The following DPP6 variants were observed in gnomAD, a reference collection of about 807,000 sequenced individuals.
DPP6 encodes dipeptidyl peptidase like 6.
DPP6 carries 69 observed loss-of-function variants against 122.6 expected under a neutral mutation model. The observed-to-expected ratio is 0.56, with a 90% CI of 0.46 to 0.69. The LOEUF (loss-of-function observed/expected upper bound fraction) is 0.69, where lower values mean the gene tolerates loss of function less well. Among genes scored for constraint, DPP6 ranks in the 30% least tolerant of loss-of-function variants. The pLI, the probability that DPP6 is intolerant of heterozygous loss-of-function variation, is 0.00. For missense variants in DPP6, 928 were observed against 1,116.9 expected, an observed-to-expected ratio of 0.83 and a Z score of 2.41; for synonymous variants, 418 against 433.1, an observed-to-expected ratio of 0.97 and a Z score of 0.43.
Position 154,545,875 on chromosome 7 carries a change from C to T in DPP6, c.552+5249C>T, listed in dbSNP as rs1217960281. Among the ~76,000 whole-genome samples the T allele has an allele frequency of 2.6e-5, 4 of 152,132 alleles. No individual in the cohort carries two copies. In the South Asian group the frequency reaches 8.3e-4, roughly 31 times the overall value. ...ACCTGTGTCACTCATACTGTATAGG[C>T]CCTTTTTATTGACAATGCTATCAGT... On this transcript the variant is annotated intron_variant, in intron 4 of 25. Transcript: ENST00000377770.
chr7:154,134,553 C>T (rs1451930690), intron 1 of DPP6, among the ~76,000 whole-genome samples: 1 of 152,190 alleles, frequency 6.6e-6, no homozygotes, highest in African/African-American at 2.4e-5. Context: ...CCTTGAGCTT[C>T]ACAAGGTCAA....
the DPP6 span, among the ~76,000 whole-genome samples, chr7:153,748,997 A>G: frequency 2.0e-5 from 3 of 152,088 alleles, no homozygotes; most frequent in Non-Finnish European, 4.4e-5. Flanking sequence ...TCCCCCGGGG[A>G]AAGGCCACAA....
At chr7:153,803,149 C>A in the DPP6 span, among the ~76,000 whole-genome samples, 4 of 151,612 alleles carry the variant, frequency 2.6e-5, no homozygotes, top group Non-Finnish European at 5.9e-5. Flanking sequence ...GGTCCAGACA[C>A]GTGGGCGTCC....
chr7:154,555,756 TG>T lies in DPP6; in HGVS notation c.553-11084del, dbSNP rs202046854. 6.9e-4 allele frequency among the ~76,000 whole-genome samples: 105 copies of T among 151,806 alleles called. 3 individuals carry two copies. The East Asian group carries it at 0.018, about 26-fold the overall frequency. On this transcript the variant is annotated intron_variant, in intron 4 of 25. Transcript: ENST00000377770. The stretch of plus-strand genomic sequence containing the variant: ...CAATATAAATACCTTGAAGTGAAAA[TG>T]GAGAAAATATTCCATTCACAATAAG...
chr7:154,136,491 C>T (rs1037494921), intron 1 of DPP6, among the ~76,000 whole-genome samples: 27 of 152,124 alleles, frequency 1.8e-4, no homozygotes, highest in African/African-American at 3.4e-4. Flanking sequence ...AAAAGGTGCG[C>T]GGTGCATTTC....
chr7:153,826,191 G>A, the DPP6 span, among the ~76,000 whole-genome samples: 1 of 152,188 alleles, frequency 6.6e-6, no homozygotes, highest in Admixed American at 6.5e-5. Context: ...CAGAGAGTGT[G>A]TGGGATTGGA....
chr7:154,494,126 G>T (rs141808902), intron 3 of DPP6, among the ~76,000 whole-genome samples: 2 of 152,114 alleles, frequency 1.3e-5, no homozygotes, highest in African/African-American at 2.4e-5. Flanking sequence ...GGCCAAAGCC[G>T]AAACATCGCT....
chr7:153,915,577 C>G (rs752791946), intron 1 of DPP6, among the ~76,000 whole-genome samples: 6 of 152,142 alleles, frequency 3.9e-5, no homozygotes, highest in Non-Finnish European at 7.3e-5. Flanking sequence ...ATTAAAGAGA[C>G]GAGATAGCTC....
the DPP6 span, among the ~76,000 whole-genome samples, chr7:153,829,885 A>T: frequency 6.6e-6 from 1 of 152,170 alleles, no homozygotes; most frequent in African/African-American, 2.4e-5. Context: ...ACCCCTTCTT[A>T]TAACTGCAAG....
chr7:154,694,919 C>A (rs775938856), intron 7 of DPP6, among the ~76,000 whole-genome samples: 16 of 152,138 alleles, frequency 1.1e-4, no homozygotes, highest in Non-Finnish European at 1.9e-4. Context: ...GCACACACAC[C>A]ACCCATGCCA....
chr7:154,600,209 C>G (rs79396109), intron 5 of DPP6, among the ~76,000 whole-genome samples: 42,441 of 126,198 alleles, frequency 0.34, 7,918 homozygotes, highest in East Asian at 0.57. Flanking sequence ...CTCACTGCAA[C>G]CTCTGCCTCC....
At chr7:153,966,437 G>A (rs1184041053) in intron 1 of DPP6, among the ~76,000 whole-genome samples, 16 of 148,722 alleles carry the variant, frequency 1.1e-4, no homozygotes, top group East Asian at 1.0e-3. Context: ...CATTCCCCTC[G>A]TCTTCCCTCT....
intron 6 of DPP6, among the ~76,000 whole-genome samples, chr7:154,656,541 A>T (rs1837264558): frequency 6.6e-6 from 1 of 152,184 alleles, no homozygotes; most frequent in South Asian, 2.1e-4. Context: ...GACACAGAAG[A>T]TCTTCAGAGA....
intron 13 of DPP6, among the ~76,000 whole-genome samples, 171 bp from the exon 14 acceptor site, chr7:154,803,693 A>G (rs535557051): frequency 6.6e-6 from 1 of 152,154 alleles, no homozygotes; most frequent in South Asian, 2.1e-4. Flanking sequence ...GGGAAGCCTC[A>G]AGGAGGATGT....
chr7:154,748,434 C>T (rs1026466406), intron 8 of DPP6, among the ~76,000 whole-genome samples: 2 of 152,246 alleles, frequency 1.3e-5, no homozygotes, highest in African/African-American at 4.8e-5. Flanking sequence ...CTGCCGCCAC[C>T]CACACTGTGC....
At position 154,794,122 on chromosome 7, in the gene DPP6, G is replaced by A; in HGVS notation, c.1180G>A (p.Val394Ile). The A allele has an allele frequency of 6.2e-7, 1 of 1,613,666 alleles. No homozygotes were observed. The change falls in exon 11 of 26, where the codon GTC becomes ATC. Residue 394 changes from valine (V) to isoleucine (I), a missense_variant. Physicochemically the swap from Val to Ile is conservative, Grantham distance 29 (BLOSUM62 3). Transcript: ENST00000377770. ...GGTGAAGTGGGCCACCAGCACCAAG[G>A]TCGCCGTGACCTGGCTGAACCGGGC... ...TMVKWATSTK[V>I]AVTWLNRAQN...
chr7:154,163,368 ACTTGCTCATGG>A (rs1411000622), intron 1 of DPP6, among the ~76,000 whole-genome samples: 8 of 151,982 alleles, frequency 5.3e-5, no homozygotes, highest in African/African-American at 1.9e-4. Context: ...CAGTTATTTT[ACTTGCTCATGG>A]CTTTTTGTTG....
chr7:154,233,809 T>G (rs1008404307), intron 1 of DPP6, among the ~76,000 whole-genome samples: 1 of 152,204 alleles, frequency 6.6e-6, no homozygotes, highest in Admixed American at 6.5e-5. Context: ...TGTAGGACTT[T>G]GTTACAGCAG....
chr7:154,582,585 C>G (rs1832146848), intron 5 of DPP6, among the ~76,000 whole-genome samples: 1 of 152,202 alleles, frequency 6.6e-6, no homozygotes, highest in Non-Finnish European at 1.5e-5. Context: ...CTTCAGATGT[C>G]AAGGTTTCCT....
Sources: allele counts gnomAD v4.1 joint callset (sites outside exome capture counted in the v4.1 genomes callset), GRCh38; gene constraint gnomAD v4.1.1; transcripts MANE v1.5; gene names NCBI Gene and HGNC (gene_info 2026-07-23, HGNC 2026-07-21).